ADGRV1: variants seen among roughly 807,000 people sequenced by gnomAD.
The protein encoded by ADGRV1 is adhesion G protein-coupled receptor V1.
A neutral mutation model predicts 596.2 loss-of-function variants in ADGRV1; 359 were observed. The ratio of observed to expected loss-of-function variants is 0.60; its 90% CI spans 0.55 to 0.66. The LOEUF (loss-of-function observed/expected upper bound fraction) is 0.66. Ranked by LOEUF, ADGRV1 falls within the 30% of genes least tolerant of loss-of-function variation. The pLI, the probability that ADGRV1 is intolerant of heterozygous loss-of-function variation, is 0.00. For synonymous variants in ADGRV1, 2,681 were observed against 2,679.2 expected (o/e 1.00, Z -0.02); for missense variants, 7,274 against 7,575.6 (o/e 0.96, Z 1.48).
chr5:90,563,894 A>G (rs1301568597), intron 1 of ADGRV1, among the ~76,000 whole-genome samples: 1 of 152,202 alleles, frequency 6.6e-6, no homozygotes, highest in Non-Finnish European at 1.5e-5. Flanking sequence ...TATTTCTCTG[A>G]AGGAGCCACT....
Position 90,729,700 on chromosome 5 carries a change from T to G in ADGRV1, c.10485T>G (p.Tyr3495Ter), listed in dbSNP as rs774876921. The G allele has an allele frequency of 6.2e-7, 1 of 1,608,834 alleles. No individual in the cohort carries two copies. Among genetic ancestry groups the G allele is most frequent in the Non-Finnish European group, 8.5e-7 (1 of 1,175,466 alleles). ...AGATGGGACAGTCTTCCTTCAGGTA[T>G]TTTCAGTCTGTAGATTTTGCTGCTG... ...IWEMGQSSFR[Y>*]FQSVDFAAVN... Residue 3495 changes from tyrosine to a stop codon, truncating the protein, a stop_gained, in exon 50 of 90, where the codon TAT becomes TAG. Coordinates refer to ENST00000405460, the MANE Select transcript of ADGRV1 (RefSeq NM_032119.4). LOFTEE classifies it high-confidence loss of function.
chr5:90,882,107 C>T (rs955898747), intron 83 of ADGRV1, among the ~76,000 whole-genome samples: 1 of 152,112 alleles, frequency 6.6e-6, no homozygotes, highest in African/African-American at 2.4e-5. Context: ...TTGCAGATTT[C>T]CTCACAGATG....
Position 90,868,622 on chromosome 5 carries a change from G to A in ADGRV1, c.17856+4765G>A, listed in dbSNP as rs72782792. ...AAGATCCTGTAGGTGCCCTCCCCCCGCTAGAATAATATTGAGTATGTAAGC... is the reference window on the plus strand; with the variant it reads ...AAGATCCTGTAGGTGCCCTCCCCCCACTAGAATAATATTGAGTATGTAAGC... On this transcript the variant is annotated intron_variant, in intron 83 of 89. Coordinates refer to ENST00000405460, the MANE Select transcript of ADGRV1 (RefSeq NM_032119.4). Among the ~76,000 whole-genome samples, 1,009 of 149,220 alleles carry A rather than the reference G, an allele frequency of 6.8e-3. 3 individuals are homozygous for A. The highest frequency in any genetic ancestry group is 0.021 in the Middle Eastern group (6 of 280).
In ADGRV1 at chr5:91,075,687, G is replaced by A. The variant is rs1226901998; in HGVS notation, c.18310+3083G>A. Among the ~76,000 whole-genome samples, 3 of 152,008 alleles carry A rather than the reference G, an allele frequency of 2.0e-5. No individual in the cohort carries two copies. The East Asian group carries it at 5.8e-4, about 29-fold the overall frequency. On this transcript the variant is annotated intron_variant, in intron 86 of 89. Coordinates refer to ENST00000405460, the MANE Select transcript of ADGRV1 (RefSeq NM_032119.4). ...GACTTCCACAGCAGTTTTCTGATTG[G>A]TATCTCTGGTTCTACTCTTTTTCTT...
rs554613087 is a variant in ADGRV1 at position 90,778,658 on chromosome 5, A to G, written c.12849+49A>G. ...TTTAATATCATTTTTATTTTTAGAT[A>G]TGAAAATGTTTTCTTGTTTCTATTC... On this transcript the variant is annotated intron_variant, in intron 63 of 89. Transcript: ENST00000405460. 2.8e-5 allele frequency: 40 copies of G among 1,406,668 alleles called. No homozygotes were observed. In the South Asian group the frequency reaches 5.3e-4, roughly 18 times the overall value. 87.1% of individuals were successfully genotyped at this position (1,406,668 alleles called of 1,614,324 possible).
chr5:90,917,520 G>A (rs976478072), intron 83 of ADGRV1, among the ~76,000 whole-genome samples: 3 of 152,152 alleles, frequency 2.0e-5, no homozygotes, highest in Admixed American at 2.0e-4. Flanking sequence ...CAAAACTTCA[G>A]TGAATCAAAA....
At chr5:90,973,927 T>C (rs1779304909) in intron 84 of ADGRV1, among the ~76,000 whole-genome samples, 2 of 152,216 alleles carry the variant, frequency 1.3e-5, no homozygotes, top group African/African-American at 2.4e-5. Flanking sequence ...TGTTTGCAGA[T>C]GACATGATTG....
At chr5:91,026,517 G>T (rs1784028424) in intron 85 of ADGRV1, among the ~76,000 whole-genome samples, 1 of 152,104 alleles carries the variant, frequency 6.6e-6, no homozygotes, top group Non-Finnish European at 1.5e-5. Flanking sequence ...ATTGAATTAA[G>T]TACACACTAT....
intron 1 of ADGRV1, among the ~76,000 whole-genome samples, chr5:90,587,415 G>A (rs1212890245): frequency 6.6e-6 from 1 of 152,106 alleles, no homozygotes; most frequent in Non-Finnish European, 1.5e-5. Flanking sequence ...AGTCTTTTTA[G>A]TGGACAGAGC....
At chr5:91,089,699 T>C (rs947421548) in intron 86 of ADGRV1, among the ~76,000 whole-genome samples, 2 of 152,200 alleles carry the variant, frequency 1.3e-5, no homozygotes, top group African/African-American at 4.8e-5. Context: ...TATTAACTCT[T>C]AATGAGTGCT....
At chr5:90,845,231 G>C (rs1023191397) in intron 78 of ADGRV1, among the ~76,000 whole-genome samples, 1 of 152,120 alleles carries the variant, frequency 6.6e-6, no homozygotes, top group Non-Finnish European at 1.5e-5. Flanking sequence ...AAAAGAACAA[G>C]TTAGTCATCC....
At chr5:91,006,350 A>C (rs942401435) in intron 85 of ADGRV1, among the ~76,000 whole-genome samples, 1 of 152,208 alleles carries the variant, frequency 6.6e-6, no homozygotes, top group Non-Finnish European at 1.5e-5. Context: ...AATTAGATAC[A>C]AAAATGAATA....
At chr5:90,905,709 G>A (rs1458259013) in intron 83 of ADGRV1, among the ~76,000 whole-genome samples, 1 of 151,848 alleles carries the variant, frequency 6.6e-6, no homozygotes, top group East Asian at 1.9e-4. Flanking sequence ...TTTCCAGTTT[G>A]GATGCCCTTT....
chr5:90,925,059 G>A (rs1055259824), intron 83 of ADGRV1, among the ~76,000 whole-genome samples: 5 of 151,992 alleles, frequency 3.3e-5, no homozygotes, highest in African/African-American at 9.7e-5. Flanking sequence ...TTGAAGTCAG[G>A]TAGTGTGATG....
chr5:90,912,707 A>G (rs1193351462), intron 83 of ADGRV1, among the ~76,000 whole-genome samples: 2 of 152,136 alleles, frequency 1.3e-5, no homozygotes, highest in African/African-American at 4.8e-5. Context: ...GCTTAGGATA[A>G]TAGCCTCCAG....
rs1280905596 is a variant in ADGRV1, at chr5:91,164,316, T to C, written c.*416T>C. On this transcript the variant is annotated 3_prime_UTR_variant, in exon 90 of 90. Transcript: ENST00000405460. ...TGATGACAAGCACCCTGTGCCATCTTGCATGAATCCAGGTGATCCAGATTC... is the reference window on the plus strand; with the variant it reads ...TGATGACAAGCACCCTGTGCCATCTCGCATGAATCCAGGTGATCCAGATTC... 3.8e-6 allele frequency: 1 copy of C among 265,684 alleles called. No individual in the cohort carries two copies. The highest frequency in any genetic ancestry group is 7.5e-6 in the Non-Finnish European group (1 of 133,090). The allele number at this position is 265,684 out of a possible 1,614,324, so 16.5% of individuals were successfully genotyped here.
chr5:90,598,414 C>T (rs1760981851), intron 1 of ADGRV1, among the ~76,000 whole-genome samples: 1 of 152,236 alleles, frequency 6.6e-6, no homozygotes, highest in South Asian at 2.1e-4. Context: ...CCAGGGAGAG[C>T]TGCTTAGGGA....
intron 70 of ADGRV1, among the ~76,000 whole-genome samples, chr5:90,801,378 G>A (rs890851380): frequency 1.3e-5 from 2 of 152,000 alleles, no homozygotes; most frequent in African/African-American, 2.4e-5. Context: ...CAAGTGACCT[G>A]GTGCTTTAAG....
At chr5:91,107,287 T>A (rs959322792) in intron 87 of ADGRV1, among the ~76,000 whole-genome samples, 1 of 152,156 alleles carries the variant, frequency 6.6e-6, no homozygotes, top group African/African-American at 2.4e-5. Context: ...TTTTGTTTTC[T>A]CGTGACAAGA....
Sources: gnomAD v4.1 joint callset for allele counts (sites outside exome capture counted in the v4.1 genomes callset) on GRCh38, gnomAD v4.1.1 for gene constraint, MANE v1.5 for transcripts, NCBI Gene and HGNC (gene_info 2026-07-23, HGNC 2026-07-21) for gene names.